Variants in DPP6 observed in about 807,000 individuals in gnomAD.
The protein encoded by DPP6 is dipeptidyl peptidase like 6, also known as A-type potassium channel modulatory protein DPP6.
In DPP6, 69 loss-of-function variants were observed where a neutral mutation model predicts 122.6. That is an observed-to-expected ratio of 0.56 (90% CI 0.46 to 0.69). The LOEUF (loss-of-function observed/expected upper bound fraction) is 0.69. Ranked by LOEUF, DPP6 falls within the 30% of genes least tolerant of loss-of-function variation. DPP6 has a pLI of 0.00. For synonymous variants in DPP6, 418 were observed against 433.1 expected, an observed-to-expected ratio of 0.97 and a Z score of 0.43; for missense variants, 928 against 1,116.9, an observed-to-expected ratio of 0.83 and a Z score of 2.41.
intron 19 of DPP6, among the ~76,000 whole-genome samples, chr7:154,873,254 C>T (rs1804541832): frequency 6.6e-6 from 1 of 152,210 alleles, no homozygotes; most frequent in African/African-American, 2.4e-5. Flanking sequence ...GTGCTAGGAG[C>T]CGGCCCAGTG....
intron 1 of DPP6, among the ~76,000 whole-genome samples, chr7:154,335,171 C>T (rs901064848): frequency 6.6e-6 from 1 of 152,232 alleles, no homozygotes; most frequent in Non-Finnish European, 1.5e-5. Context: ...GCACTGTCTA[C>T]TTAACATTGC....
intron 1 of DPP6, among the ~76,000 whole-genome samples, chr7:154,401,087 C>T (rs987642281): frequency 3.3e-5 from 5 of 151,922 alleles, no homozygotes; most frequent in Admixed American, 2.0e-4. Context: ...ATCCCAGCTA[C>T]TCGGGAGGCT....
At chr7:154,832,091 T>G (rs1325142704) in intron 16 of DPP6, among the ~76,000 whole-genome samples, 1 of 152,244 alleles carries the variant, frequency 6.6e-6, no homozygotes, top group Non-Finnish European at 1.5e-5. Context: ...AGGAAGCCAC[T>G]GTACCAGCAC....
intron 3 of DPP6, among the ~76,000 whole-genome samples, chr7:154,482,420 G>A (rs2151372314): frequency 6.6e-6 from 1 of 152,162 alleles, no homozygotes; most frequent in East Asian, 1.9e-4. Context: ...TCAACTTCTT[G>A]TATTATATAT....
chr7:154,663,085 C>G (rs1217076961), intron 6 of DPP6, among the ~76,000 whole-genome samples: 1 of 60,766 alleles, frequency 1.6e-5, no homozygotes, highest in African/African-American at 4.2e-5. Context: ...GTATATTGGC[C>G]ATAGCGTTCA....
At chr7:154,552,700 C>T (rs1305810924) in intron 4 of DPP6, among the ~76,000 whole-genome samples, 1 of 152,148 alleles carries the variant, frequency 6.6e-6, no homozygotes, top group Admixed American at 6.5e-5. Context: ...TCAACAAAGT[C>T]AGGAGTGTTC....
intron 1 of DPP6, among the ~76,000 whole-genome samples, chr7:154,402,605 G>T (rs1394274343): frequency 7.0e-6 from 1 of 142,032 alleles, no homozygotes; most frequent in African/African-American, 2.6e-5. Flanking sequence ...TTGTGGGTTG[G>T]GGGGAGGGGG....
intron 7 of DPP6, among the ~76,000 whole-genome samples, chr7:154,684,525 T>A (rs1469523034): frequency 6.6e-6 from 1 of 152,236 alleles, no homozygotes; most frequent in Non-Finnish European, 1.5e-5. Flanking sequence ...GATTTATGAA[T>A]TTTTATGAAA....
intron 1 of DPP6, among the ~76,000 whole-genome samples, chr7:154,249,997 C>T (rs142090522): frequency 1.3e-5 from 2 of 152,266 alleles, no homozygotes; most frequent in African/African-American, 2.4e-5. Context: ...CTGACCTAAT[C>T]GGTTATGTTA....
chr7:154,856,970 T>G (rs1465960954), intron 17 of DPP6, among the ~76,000 whole-genome samples: 1 of 152,216 alleles, frequency 6.6e-6, no homozygotes, highest in Non-Finnish European at 1.5e-5. Flanking sequence ...TGCTGACTAA[T>G]TGGAAACTGG....
At chr7:154,016,017 C>T (rs760042401) in intron 1 of DPP6, among the ~76,000 whole-genome samples, 8 of 152,204 alleles carry the variant, frequency 5.3e-5, no homozygotes, top group Admixed American at 6.5e-5. Context: ...CTGGCCATAT[C>T]GGCCCACGTT....
intron 1 of DPP6, among the ~76,000 whole-genome samples, chr7:154,296,035 C>G (rs1805520405): frequency 7.9e-6 from 1 of 127,186 alleles, no homozygotes; most frequent in Non-Finnish European, 1.7e-5. Flanking sequence ...AGCTCTACCT[C>G]CCAGGTTCAC....
At chr7:154,133,159 T>G (rs1795373140) in intron 1 of DPP6, among the ~76,000 whole-genome samples, 1 of 152,178 alleles carries the variant, frequency 6.6e-6, no homozygotes. Flanking sequence ...TAAAAATAAG[T>G]CATGTTATTA....
chr7:154,398,821 C>T (rs866893906), intron 1 of DPP6, among the ~76,000 whole-genome samples: 8 of 152,116 alleles, frequency 5.3e-5, no homozygotes, highest in African/African-American at 1.2e-4. Context: ...CTATCTCAGA[C>T]GTTCTTTTCT....
At chr7:154,667,283 A>G (rs1838226196) in intron 6 of DPP6, among the ~76,000 whole-genome samples, 1 of 152,028 alleles carries the variant, frequency 6.6e-6, no homozygotes, top group Admixed American at 6.6e-5. Flanking sequence ...TTTATGATGC[A>G]TCTGTCATGC....
chr7:154,433,670 T>C (rs1381433360), intron 1 of DPP6, among the ~76,000 whole-genome samples: 1 of 152,236 alleles, frequency 6.6e-6, no homozygotes, highest in Non-Finnish European at 1.5e-5. Flanking sequence ...TGTCAATTAG[T>C]CTTCTCCTTC....
chr7:153,963,547 C>T (rs1197189943), intron 1 of DPP6, among the ~76,000 whole-genome samples: 1 of 150,870 alleles, frequency 6.6e-6, no homozygotes, highest in African/African-American at 2.4e-5. Context: ...GGCTGTGAAT[C>T]AATATGTGTC....
chr7:154,732,942 A>C (rs940392962), intron 8 of DPP6, among the ~76,000 whole-genome samples: 2 of 152,046 alleles, frequency 1.3e-5, no homozygotes, highest in Non-Finnish European at 2.9e-5. Context: ...CCTGCCAACA[A>C]TACTCACTTC....
At chr7:154,215,230 G>C (rs1365904302) in intron 1 of DPP6, among the ~76,000 whole-genome samples, 1 of 152,142 alleles carries the variant, frequency 6.6e-6, no homozygotes, top group Non-Finnish European at 1.5e-5. Flanking sequence ...AAAGCATGCA[G>C]GGGAAACTGA....
Sources: allele counts gnomAD v4.1 joint callset (sites outside exome capture counted in the v4.1 genomes callset), GRCh38; gene constraint gnomAD v4.1.1; transcripts MANE v1.5; gene names NCBI Gene and HGNC (gene_info 2026-07-23, HGNC 2026-07-21).